The following ENPEP variants were observed in gnomAD, a reference collection of about 807,000 sequenced individuals.
ENPEP encodes AP-A.
Under a neutral mutation model 114.5 loss-of-function variants are expected in ENPEP, and 103 were observed. That is an observed-to-expected ratio of 0.90 (90% CI 0.77 to 1.06). The LOEUF is 1.06. Among genes scored for constraint, ENPEP ranks in the 50% least tolerant of loss-of-function variants. The probability of loss-of-function intolerance (pLI) is 0.00; values close to 1 mark genes in which losing one functional copy is unlikely to be tolerated. For synonymous variants in ENPEP, 420 were observed against 422.0 expected, an observed-to-expected ratio of 1.00 and a Z score of 0.06; for missense variants, 1,196 against 1,161.3, an observed-to-expected ratio of 1.03 and a Z score of -0.43.
At chr4:110,531,976 G>A (rs1315261725) in intron 11 of ENPEP, among the ~76,000 whole-genome samples, 5 of 152,052 alleles carry the variant, frequency 3.3e-5, no homozygotes, top group African/African-American at 1.2e-4. Flanking sequence ...TTTCACTTGT[G>A]TCTTCTTGAA....
chr4:110,529,513 G>T lies in ENPEP; in HGVS notation c.1728-1685G>T, dbSNP rs549498659. Among the ~76,000 whole-genome samples the T allele has an allele frequency of 5.9e-5, 9 of 152,302 alleles. No individual in the cohort carries two copies. In the South Asian group the frequency reaches 1.9e-3, roughly 32 times the overall value. ...AAGCCCAGCAAAGGTGCTGTATGAA[G>T]CAGGTCCTGAAGAGAGTAACTTTGA... On this transcript the variant is annotated intron_variant, in intron 10 of 19. Coordinates refer to ENST00000265162, the MANE Select transcript of ENPEP (RefSeq NM_001977.4).
intron 11 of ENPEP, among the ~76,000 whole-genome samples, chr4:110,536,906 C>T (rs1439800836): frequency 1.3e-5 from 2 of 152,160 alleles, no homozygotes; most frequent in Non-Finnish European, 2.9e-5. Context: ...GCAAATATCA[C>T]AATTAAGTGA....
At chr4:110,479,852 T>A (rs1166062495) in intron 1 of ENPEP, among the ~76,000 whole-genome samples, 1 of 152,092 alleles carries the variant, frequency 6.6e-6, no homozygotes, top group Non-Finnish European at 1.5e-5. Flanking sequence ...TAAAATAAAA[T>A]TTTACACATA....
chr4:110,480,860 G>A (rs1222381812), intron 1 of ENPEP, among the ~76,000 whole-genome samples: 2 of 152,070 alleles, frequency 1.3e-5, no homozygotes, highest in African/African-American at 2.4e-5. Context: ...CTTCCTACTC[G>A]CTAGTCTATT....
intron 11 of ENPEP, among the ~76,000 whole-genome samples, chr4:110,538,284 T>C (rs1275980323): frequency 2.6e-5 from 4 of 152,234 alleles, no homozygotes; most frequent in Non-Finnish European, 1.5e-5. Context: ...AAAATGATCT[T>C]AGTTAGATCT....
rs757457526 is a variant in ENPEP at position 110,496,507 on chromosome 4, AC to A, written c.918+5344del. Among the ~76,000 whole-genome samples, 4 of 152,310 alleles carry A rather than the reference AC, an allele frequency of 2.6e-5. 1 individual carries two copies. In the South Asian group the frequency reaches 8.3e-4, roughly 32 times the overall value. Reference sequence around the variant, plus strand: ...AATGTAATACAATACTATTAACTAAACAACAGTCTTTACTTGGATTTCACCA... The same window carrying A: ...AATGTAATACAATACTATTAACTAAAAACAGTCTTTACTTGGATTTCACCA... On this transcript the variant is annotated intron_variant, in intron 3 of 19. Coordinates refer to ENST00000265162, the MANE Select transcript of ENPEP (RefSeq NM_001977.4).
intron 3 of ENPEP, among the ~76,000 whole-genome samples, chr4:110,495,802 C>A (rs28661783): frequency 0.038 from 5,720 of 152,020 alleles, 328 homozygotes; most frequent in African/African-American, 0.12. Flanking sequence ...ATCTCAGGAG[C>A]CCTTGAATTT....
chr4:110,540,290 A>G (rs1417932298), intron 11 of ENPEP, among the ~76,000 whole-genome samples: 1 of 152,128 alleles, frequency 6.6e-6, no homozygotes, highest in Non-Finnish European at 1.5e-5. Flanking sequence ...GTGCATATAG[A>G]AGATACACAC....
At chr4:110,553,178 G>C (rs1727350397) in intron 17 of ENPEP, 137 bp from the exon 18 acceptor site, 2 of 713,494 alleles carry the variant, frequency 2.8e-6, no homozygotes, top group Admixed American at 3.4e-5. Flanking sequence ...TTCATCATTT[G>C]TCATATTTAA....
At chr4:110,509,475 A>G (rs1033826111) in intron 4 of ENPEP, among the ~76,000 whole-genome samples, 178 bp from the exon 5 acceptor site, 5 of 152,250 alleles carry the variant, frequency 3.3e-5, no homozygotes, top group African/African-American at 4.8e-5. Flanking sequence ...GGAATGCTCT[A>G]TGGAAACTTT....
intron 17 of ENPEP, among the ~76,000 whole-genome samples, chr4:110,552,505 T>C (rs1174367228): frequency 6.6e-6 from 1 of 152,156 alleles, no homozygotes; most frequent in African/African-American, 2.4e-5. Flanking sequence ...CTCAATATCT[T>C]CCTAAAGATA....
rs984752370 is a variant in ENPEP at position 110,561,637 on chromosome 4, C to T, written c.*79C>T. On this transcript the variant is annotated 3_prime_UTR_variant, in exon 20 of 20. Coordinates refer to ENST00000265162, the MANE Select transcript of ENPEP (RefSeq NM_001977.4). ...CATTTGGTGGCCTAATTTACAAGCA[C>T]GATGGAGAGAGCCTTATAAACAGAT... 1.1e-4 allele frequency: 149 copies of T among 1,354,304 alleles called. No homozygotes were observed. The highest frequency in any genetic ancestry group is 1.9e-4 in the African/African-American group (13 of 68,244). 83.9% of individuals were successfully genotyped at this position (1,354,304 alleles called of 1,614,324 possible).
chr4:110,490,629 G>A (rs1160501355), intron 2 of ENPEP, among the ~76,000 whole-genome samples: 8 of 152,150 alleles, frequency 5.3e-5, no homozygotes, highest in South Asian at 2.1e-4. Context: ...CCAATGTTCC[G>A]CTACACCAGG....
intron 1 of ENPEP, among the ~76,000 whole-genome samples, chr4:110,484,737 ATATAT>A (rs945521349): frequency 2.8e-5 from 4 of 142,028 alleles, no homozygotes; most frequent in African/African-American, 5.3e-5. Flanking sequence ...TATATATTAT[ATATAT>A]TATATTATAT....
At chr4:110,550,717 A>G (rs540646063) in intron 17 of ENPEP, among the ~76,000 whole-genome samples, 1 of 152,236 alleles carries the variant, frequency 6.6e-6, no homozygotes, top group South Asian at 2.1e-4. Context: ...CTATGTATAG[A>G]TATATAGATT....
chr4:110,550,596 T>G (rs144688449), intron 17 of ENPEP, among the ~76,000 whole-genome samples: 4 of 152,250 alleles, frequency 2.6e-5, no homozygotes, highest in African/African-American at 7.2e-5. Flanking sequence ...CATTTCCCAC[T>G]CTGCATTTAT....
chr4:110,548,388 C>T, intron 14 of ENPEP, 62 bp downstream of exon 14: 2 of 1,348,712 alleles, frequency 1.5e-6, no homozygotes, highest in Non-Finnish European at 1.9e-6. Context: ...GAATAGGATG[C>T]TTTCTGAGAG....
chr4:110,556,212 G>GT (rs1727464460), intron 18 of ENPEP, among the ~76,000 whole-genome samples: 1 of 151,724 alleles, frequency 6.6e-6, no homozygotes, highest in Admixed American at 6.6e-5. Context: ...ACTGGTATGT[G>GT]TTTTTTGCAC....
At chr4:110,500,651 A>C (rs1725120912) in intron 3 of ENPEP, among the ~76,000 whole-genome samples, 2 of 152,202 alleles carry the variant, frequency 1.3e-5, no homozygotes, top group South Asian at 2.1e-4. Context: ...CTCTTTTAAA[A>C]GATAAAGAAG....
Sources: gnomAD v4.1 joint callset for allele counts (sites outside exome capture counted in the v4.1 genomes callset) on GRCh38, gnomAD v4.1.1 for gene constraint, MANE v1.5 for transcripts, NCBI Gene and HGNC (gene_info 2026-07-23, HGNC 2026-07-21) for gene names.